Variants in NUP43 observed in about 807,000 individuals in gnomAD.
NUP43 encodes nucleoporin Nup43.
Under a neutral mutation model 47.3 loss-of-function variants are expected in NUP43, and 32 were observed. That is an observed-to-expected ratio of 0.68 (90% CI 0.51 to 0.91). The LOEUF (loss-of-function observed/expected upper bound fraction) is 0.91. Among genes scored for constraint, NUP43 ranks in the 40% least tolerant of loss-of-function variants. The pLI is 0.00. For missense variants in NUP43, 444 were observed against 453.9 expected (o/e 0.98, Z 0.20); for synonymous variants, 147 against 158.4 (o/e 0.93, Z 0.54).
At chr6:149,736,819 GC>G (rs1275365234) in intron 5 of NUP43, among the ~76,000 whole-genome samples, 197 bp from the exon 6 acceptor site, 10 of 152,176 alleles carry the variant, frequency 6.6e-5, no homozygotes, top group African/African-American at 2.4e-4. Flanking sequence ...CTCCTGAGTT[GC>G]TGGGAGTACA....
At chr6:149,729,783 C>T (rs970815693) in intron 7 of NUP43, among the ~76,000 whole-genome samples, 2 of 152,062 alleles carry the variant, frequency 1.3e-5, no homozygotes, top group Admixed American at 6.5e-5. Flanking sequence ...TTCGACATTT[C>T]GTTCTGCTCA....
At chr6:149,747,450 ATT>A (rs774011395), upstream of NUP43, among the ~76,000 whole-genome samples, 42 of 136,360 alleles carry the variant, frequency 3.1e-4, no homozygotes, top group African/African-American at 4.1e-4. Flanking sequence ...TGCCTGGCTA[ATT>A]TTTTTTTTTT....
intron 2 of NUP43, among the ~76,000 whole-genome samples, chr6:149,744,512 G>C (rs1785858467): frequency 6.8e-6 from 1 of 146,446 alleles, no homozygotes; most frequent in African/African-American, 2.5e-5. Context: ...GACAGAGCAA[G>C]ACTCGTCATA....
chr6:149,739,487 A>G (rs1269109549), intron 4 of NUP43, among the ~76,000 whole-genome samples: 4 of 151,816 alleles, frequency 2.6e-5, no homozygotes, highest in African/African-American at 4.8e-5. Context: ...GAGTTTCACC[A>G]TGTTGGCCAG....
intron 7 of NUP43, 133 bp from the exon 8 acceptor site, chr6:149,727,331 CCATT>C (rs1272721290): frequency 7.1e-7 from 1 of 1,412,170 alleles, no homozygotes; most frequent in African/African-American, 1.4e-5. Flanking sequence ...GCTAATAATT[CCATT>C]ATTATACATC....
rs773378682 is a variant in NUP43, at chr6:149,738,642, C to T, written c.638+1G>A. 5 of 1,557,424 alleles carry T rather than the reference C, an allele frequency of 3.2e-6. No individual in the cohort carries two copies. The African/African-American group carries it at 4.1e-5, about 13-fold the overall frequency. On this transcript the variant is annotated splice_donor_variant, in intron 5 of 7. Coordinates refer to ENST00000340413, the MANE Select transcript of NUP43 (RefSeq NM_198887.3). LOFTEE classifies it high-confidence loss of function. ...TACTGAAATTACAAATCAACACTTACAGTGACAATATCTGAGAAGGCTCAT... is the reference window on the plus strand; with the variant it reads ...TACTGAAATTACAAATCAACACTTATAGTGACAATATCTGAGAAGGCTCAT...
At chr6:149,734,797 CAA>C (rs529323368) in intron 6 of NUP43, among the ~76,000 whole-genome samples, 8 of 85,364 alleles carry the variant, frequency 9.4e-5, no homozygotes, top group Admixed American at 1.2e-4. Flanking sequence ...GACTCTGTCT[CAA>C]AAAAAAAAAA....
At chr6:149,735,161 C>CA (rs1785258015) in intron 6 of NUP43, among the ~76,000 whole-genome samples, 1 of 152,030 alleles carries the variant, frequency 6.6e-6, no homozygotes, top group Non-Finnish European at 1.5e-5. Flanking sequence ...TTCCTGGACT[C>CA]AAGCAATCCT....
chr6:149,728,958 T>C (rs924250136), intron 7 of NUP43, among the ~76,000 whole-genome samples: 2 of 152,194 alleles, frequency 1.3e-5, no homozygotes, highest in Non-Finnish European at 2.9e-5. Flanking sequence ...TTCTTCTTCA[T>C]GGTAATTAGC....
At chr6:149,737,960 G>C (rs1477102408) in intron 5 of NUP43, among the ~76,000 whole-genome samples, 4 of 151,914 alleles carry the variant, frequency 2.6e-5, no homozygotes, top group Non-Finnish European at 5.9e-5. Flanking sequence ...CAAAGTGCTG[G>C]GATTACAAGC....
upstream of NUP43, among the ~76,000 whole-genome samples, chr6:149,747,099 G>A (rs1264840201): frequency 6.6e-6 from 1 of 152,206 alleles, no homozygotes; most frequent in African/African-American, 2.4e-5. Context: ...TAAGAATGAA[G>A]TTTGTGATAC....
chr6:149,745,536 TA>T (rs2115166650), intron 2 of NUP43, among the ~76,000 whole-genome samples: 1 of 152,322 alleles, frequency 6.6e-6, no homozygotes, highest in African/African-American at 2.4e-5. Flanking sequence ...AGGGAGTTGT[TA>T]TGAGAATTCA....
intron 4 of NUP43, among the ~76,000 whole-genome samples, chr6:149,741,296 C>T (rs960238993): frequency 3.3e-5 from 5 of 152,128 alleles, no homozygotes; most frequent in African/African-American, 9.7e-5. Flanking sequence ...GCCTCAGCCT[C>T]CCAAGCAGCT....
In NUP43 at chr6:149,727,218, GGAA is replaced by G; in HGVS notation, c.914-23_914-21del. 1 of 1,602,792 alleles carries G rather than the reference GGAA, an allele frequency of 6.2e-7. No individual in the cohort carries two copies. The highest frequency in any genetic ancestry group is 8.5e-7 in the Non-Finnish European group (1 of 1,173,358). On this transcript the variant is annotated intron_variant, in intron 7 of 7. Transcript: ENST00000340413. ...TTCCTCCTGGGAGAAAAAAAGAAAAGGAAGAAATCTTTCAAGATGATTTTTATA... is the reference window on the plus strand; with the variant it reads ...TTCCTCCTGGGAGAAAAAAAGAAAAGGAAATCTTTCAAGATGATTTTTATA...
At chr6:149,731,013 T>A (rs542508192) in intron 7 of NUP43, among the ~76,000 whole-genome samples, 1 of 151,950 alleles carries the variant, frequency 6.6e-6, no homozygotes, top group African/African-American at 2.4e-5. Flanking sequence ...ATGCCTGTAA[T>A]CCCAGCACTT....
At chr6:149,732,528 C>T (rs1407949377) in intron 6 of NUP43, among the ~76,000 whole-genome samples, 1 of 139,072 alleles carries the variant, frequency 7.2e-6, no homozygotes, top group African/African-American at 2.7e-5. Context: ...GTCTGGGCAA[C>T]AAGAGTGAGA....
In NUP43 at chr6:149,727,792, C is replaced by T. The variant is rs991837129; in HGVS notation, c.914-594G>A. On this transcript the variant is annotated intron_variant, in intron 7 of 7. Coordinates refer to ENST00000340413, the MANE Select transcript of NUP43 (RefSeq NM_198887.3). ...GATTATAAGGTTTTATCTCTAACAG[C>T]GCACTGTACTTACTATAGAATAAAG... 23 of 983,444 alleles carry T rather than the reference C, an allele frequency of 2.3e-5. No individual in the cohort carries two copies. The East Asian group carries it at 4.5e-4, about 19-fold the overall frequency. The allele number at this position is 983,444 out of a possible 1,614,324, so 60.9% of individuals were successfully genotyped here.
At chr6:149,744,521 T>C (rs560774339) in intron 2 of NUP43, among the ~76,000 whole-genome samples, 8 of 135,356 alleles carry the variant, frequency 5.9e-5, no homozygotes, top group African/African-American at 1.1e-4. Context: ...AGACTCGTCA[T>C]AAAAAAGAAA....
At chr6:149,731,511 T>G in intron 7 of NUP43, 102 bp downstream of exon 7, 90 of 1,021,698 alleles carry the variant, frequency 8.8e-5, no homozygotes, top group Middle Eastern at 3.0e-4. Flanking sequence ...TGCAGTGAGC[T>G]GAGATCGTGC....
Sources: gnomAD v4.1 joint callset for allele counts (sites outside exome capture counted in the v4.1 genomes callset) on GRCh38, gnomAD v4.1.1 for gene constraint, MANE v1.5 for transcripts, NCBI Gene and HGNC (gene_info 2026-07-23, HGNC 2026-07-21) for gene names.